The following CACNA1C variants were observed in gnomAD, a reference collection of about 807,000 sequenced individuals.
The protein encoded by CACNA1C is calcium voltage-gated channel subunit alpha1 C.
CACNA1C carries 30 observed loss-of-function variants against 229.0 expected under a neutral mutation model. The observed-to-expected ratio is 0.13, with a 90% confidence interval of 0.10 to 0.18. The LOEUF (loss-of-function observed/expected upper bound fraction) is 0.18, where lower values mean the gene tolerates loss of function less well. Among genes scored for constraint, CACNA1C ranks in the 10% least tolerant of loss-of-function variants. The pLI is 1.00. For missense variants in CACNA1C, 1,658 were observed against 2,845.0 expected (o/e 0.58, Z 9.49); for synonymous variants, 1,114 against 1,132.5 (o/e 0.98, Z 0.33).
At chr12:2,249,856 C>T (rs1374330609) in intron 3 of CACNA1C, among the ~76,000 whole-genome samples, 5 of 151,576 alleles carry the variant, frequency 3.3e-5, no homozygotes, top group Admixed American at 6.6e-5. Flanking sequence ...TTGCAAGCGC[C>T]GCCTCCCAGG....
At chr12:2,041,811 CCTGAACCAACGTTCAGTGGCCGGGG>C (rs1465726703) in intron 1 of CACNA1C, among the ~76,000 whole-genome samples, 2 of 152,252 alleles carry the variant, frequency 1.3e-5, no homozygotes, top group African/African-American at 4.8e-5. Flanking sequence ...AGAGCAGCAG[CCTGAACCAACGTTCAGTGGCCGGGG>C]CTGCCGAGCC....
chr12:2,447,482 A>C (rs916323867), intron 3 of CACNA1C, among the ~76,000 whole-genome samples: 1 of 152,156 alleles, frequency 6.6e-6, no homozygotes, highest in Non-Finnish European at 1.5e-5. Context: ...TACGATGCAC[A>C]TTTCCAAGCT....
intron 7 of CACNA1C, among the ~76,000 whole-genome samples, chr12:2,501,154 A>C (rs1428104200): frequency 7.1e-6 from 1 of 140,980 alleles, no homozygotes; most frequent in Non-Finnish European, 1.5e-5. Flanking sequence ...GCTTGCTGTG[A>C]GCCAAGATCA....
At chr12:2,277,570 C>T (rs954410783) in intron 3 of CACNA1C, among the ~76,000 whole-genome samples, 13 of 152,184 alleles carry the variant, frequency 8.5e-5, no homozygotes, top group Non-Finnish European at 1.6e-4. Flanking sequence ...ACAGTGGGGT[C>T]CACCCCACCC....
At chr12:2,370,378 A>G (rs991601858) in intron 3 of CACNA1C, among the ~76,000 whole-genome samples, 1 of 152,228 alleles carries the variant, frequency 6.6e-6, no homozygotes, top group African/African-American at 2.4e-5. Context: ...ATAATTAGAC[A>G]AAGTTTTATA....
chr12:2,663,427 C>T (rs985798862), intron 34 of CACNA1C, among the ~76,000 whole-genome samples: 3 of 152,318 alleles, frequency 2.0e-5, no homozygotes, highest in African/African-American at 7.2e-5. Context: ...CCTTAAAGAA[C>T]TAAAAGTAGA....
At chr12:2,404,936 T>C (rs1044714942) in intron 3 of CACNA1C, among the ~76,000 whole-genome samples, 13 of 152,280 alleles carry the variant, frequency 8.5e-5, no homozygotes, top group African/African-American at 2.6e-4. Flanking sequence ...CCTGGAGCAG[T>C]GCACAGGACA....
At chr12:2,135,829 C>T (rs1405538865) in intron 3 of CACNA1C, among the ~76,000 whole-genome samples, 2 of 146,966 alleles carry the variant, frequency 1.4e-5, no homozygotes, top group East Asian at 2.0e-4. Flanking sequence ...CTGTGGTAGG[C>T]TCCACCCAGT....
chr12:2,137,715 C>T (rs1223024926), intron 3 of CACNA1C, among the ~76,000 whole-genome samples: 1 of 150,792 alleles, frequency 6.6e-6, no homozygotes, highest in East Asian at 1.9e-4. Context: ...TGGCACATTC[C>T]TCTGTGAACC....
chr12:2,240,853 A>G (rs1053181347), intron 3 of CACNA1C, among the ~76,000 whole-genome samples: 3 of 151,452 alleles, frequency 2.0e-5, no homozygotes, highest in Admixed American at 6.6e-5. Flanking sequence ...GTGCTCACCC[A>G]ACTCCCTCAG....
rs118108337 is a variant in CACNA1C at position 2,165,337 on chromosome 12, T to A, written c.477+44907T>A. Among the ~76,000 whole-genome samples, 222 of 152,368 alleles carry A rather than the reference T, an allele frequency of 1.5e-3. 5 individuals carry two copies. In the East Asian group the frequency reaches 0.033, roughly 23 times the overall value. ...TTTGCTAAGGAGAGATTTTCCAGATTGTCCCTGAACTACCAAAAGCAACAG... is the reference window on the plus strand; with the variant it reads ...TTTGCTAAGGAGAGATTTTCCAGATAGTCCCTGAACTACCAAAAGCAACAG... On this transcript the variant is annotated intron_variant, in intron 3 of 46. Coordinates refer to ENST00000399655, the MANE Select transcript of CACNA1C (RefSeq NM_000719.7).
intron 3 of CACNA1C, among the ~76,000 whole-genome samples, chr12:2,291,086 G>A (rs1322126974): frequency 6.6e-6 from 1 of 152,212 alleles, no homozygotes; most frequent in African/African-American, 2.4e-5. Context: ...TTTGTAATAT[G>A]AGGTGATGGT....
rs1292161934 is a variant in CACNA1C at position 2,108,046 on chromosome 12, C to G, written c.50-7178C>G. 6.6e-6 allele frequency among the ~76,000 whole-genome samples: 1 copy of G among 152,202 alleles called. No individual in the cohort carries two copies. The highest frequency in any genetic ancestry group is 1.5e-5 in the Non-Finnish European group (1 of 68,028). ...CTACATTTCAGGTGCTCAGGAGCTG[C>G]GTATGACTGGTAGCAAGGGCTCCGT... is the stretch of plus-strand genomic sequence containing the variant. On this transcript the variant is annotated intron_variant, in intron 1 of 46. Coordinates refer to ENST00000399655, the MANE Select transcript of CACNA1C (RefSeq NM_000719.7). This position sits in a 1 kb window ranked among gnomAD's most constrained non-coding sequence, Gnocchi z 5.3.
At chr12:2,331,705 A>G (rs1278243922) in intron 3 of CACNA1C, among the ~76,000 whole-genome samples, 1 of 152,256 alleles carries the variant, frequency 6.6e-6, no homozygotes, top group Non-Finnish European at 1.5e-5. Context: ...TGATATCCCA[A>G]GATGGACCCA....
intron 3 of CACNA1C, among the ~76,000 whole-genome samples, chr12:2,318,186 A>G (rs2095794543): frequency 6.6e-6 from 1 of 152,232 alleles, no homozygotes; most frequent in Non-Finnish European, 1.5e-5. Context: ...TTCGTGAGGC[A>G]TTTAAAGAAT....
chr12:2,013,781 A>G (rs1192126745), intron 1 of CACNA1C, among the ~76,000 whole-genome samples: 1 of 152,224 alleles, frequency 6.6e-6, no homozygotes, highest in African/African-American at 2.4e-5. Context: ...AGTTTTTCTT[A>G]TCTCTAATAA....
rs187170481 is a variant in CACNA1C, at chr12:2,622,017, G to A, written c.3828+10004G>A. 3.6e-3 allele frequency among the ~76,000 whole-genome samples: 542 copies of A among 152,232 alleles called. 3 individuals carry two copies. Among genetic ancestry groups the A allele is most frequent in the Middle Eastern group, 0.014 (4 of 294 alleles). On this transcript the variant is annotated intron_variant, in intron 29 of 46. Transcript: ENST00000399655. ...TGGGAGAAGAGTTGGAGAACATGCA[G>A]AATCACAAGGAAACTGGGAGAGAAG...
chr12:2,070,806 T>C (rs2060890978), intron 1 of CACNA1C, among the ~76,000 whole-genome samples: 1 of 152,080 alleles, frequency 6.6e-6, no homozygotes, highest in Non-Finnish European at 1.5e-5. Context: ...AGTCATTATC[T>C]CTTTCTTTCT....
chr12:2,604,592 C>T (rs976597470), intron 22 of CACNA1C, among the ~76,000 whole-genome samples: 1 of 152,246 alleles, frequency 6.6e-6, no homozygotes, highest in African/African-American at 2.4e-5. Flanking sequence ...TTCTCAAGCA[C>T]ATGGCTGGGT....
Sources: gnomAD v4.1 joint callset for allele counts (sites outside exome capture counted in the v4.1 genomes callset) on GRCh38, gnomAD v4.1.1 for gene constraint, Gnocchi (gnomAD v3.1) non-coding constraint, MANE v1.5 for transcripts, NCBI Gene and HGNC (gene_info 2026-07-23, HGNC 2026-07-21) for gene names.